The following HMCN2 variants were observed in gnomAD, a reference collection of about 807,000 sequenced individuals.
HMCN2 encodes the protein hemicentin 2.
HMCN2 carries 325 observed loss-of-function variants against 377.5 expected under a neutral mutation model. The observed-to-expected ratio is 0.86, with a 90% CI of 0.79 to 0.94. The LOEUF is 0.94. Among genes scored for constraint, HMCN2 ranks in the 40% least tolerant of loss-of-function variants. The probability of loss-of-function intolerance (pLI) is 0.00; values close to 1 mark genes in which losing one functional copy is unlikely to be tolerated. For synonymous variants in HMCN2, 2,007 were observed against 2,046.8 expected, an observed-to-expected ratio of 0.98 and a Z score of 0.53; for missense variants, 4,543 against 4,725.3, an observed-to-expected ratio of 0.96 and a Z score of 1.13.
At chr9:130,358,544 AC>A in intron 36 of HMCN2, 58 bp downstream of exon 36, 1 of 1,301,024 alleles carries the variant, frequency 7.7e-7, no homozygotes, top group Non-Finnish European at 1.0e-6. Flanking sequence ...TCCCTTGGGG[AC>A]CCTTGGGGCT....
In HMCN2 at chr9:130,296,661, G is replaced by A. The variant is rs1836173059; in HGVS notation, c.892-13G>A. 1.1e-5 allele frequency: 5 copies of A among 470,882 alleles called. No individual in the cohort carries two copies. Among genetic ancestry groups the A allele is most frequent in the South Asian group, 7.7e-5 (5 of 64,560 alleles). The allele number at this position is 470,882 out of a possible 1,614,324, so 29.2% of individuals were successfully genotyped here. On this transcript the variant is annotated splice_polypyrimidine_tract_variant and intron_variant, in intron 6 of 97. Coordinates refer to ENST00000683500, the MANE Select transcript of HMCN2 (RefSeq NM_001291815.2). ...CCCATCCTCTGGTGATGTGAGACCTGGGCCTGCGCTAGGTCTATAGCAGTG... is the reference window on the plus strand; with the variant it reads ...CCCATCCTCTGGTGATGTGAGACCTAGGCCTGCGCTAGGTCTATAGCAGTG...
intron 75 of HMCN2, among the ~76,000 whole-genome samples, chr9:130,399,279 A>G (rs1490000271): frequency 6.6e-6 from 1 of 151,498 alleles, no homozygotes; most frequent in Non-Finnish European, 1.5e-5. Flanking sequence ...AAGAATGTCC[A>G]TTTTTAAAAA....
chr9:130,267,715 G>A (rs1047092052), intron 1 of HMCN2, among the ~76,000 whole-genome samples: 3 of 152,220 alleles, frequency 2.0e-5, no homozygotes, highest in Non-Finnish European at 4.4e-5. Flanking sequence ...GGAGTTCTGG[G>A]CACCACAGGG....
intron 15 of HMCN2, among the ~76,000 whole-genome samples, chr9:130,312,483 T>C (rs1242473549): frequency 1.7e-5 from 2 of 116,780 alleles, no homozygotes; most frequent in South Asian, 3.3e-4. Flanking sequence ...TTTCCTTTCT[T>C]TCTCTCTCTC....
chr9:130,418,076 A>T (rs10901332), intron 85 of HMCN2, among the ~76,000 whole-genome samples: 17,209 of 152,124 alleles, frequency 0.11, 1,249 homozygotes, highest in Non-Finnish European at 0.17. Flanking sequence ...GAGTTTGCCC[A>T]TTTCATTGGC....
intron 77 of HMCN2, 144 bp downstream of exon 77, chr9:130,401,091 T>A: frequency 1.6e-6 from 1 of 637,082 alleles, no homozygotes; most frequent in South Asian, 1.9e-5. Flanking sequence ...GGGAGGACCC[T>A]CTCGCCCTCT....
At chr9:130,314,141 T>G (rs1288396592) in intron 15 of HMCN2, among the ~76,000 whole-genome samples, 1 of 152,176 alleles carries the variant, frequency 6.6e-6, no homozygotes, top group Admixed American at 6.5e-5. Flanking sequence ...AGTCCCATCC[T>G]GGAAGCTCCT....
Position 130,344,276 on chromosome 9 carries a change from G to C in HMCN2, c.3829+1840G>C, listed in dbSNP as rs1003637268. On this transcript the variant is annotated intron_variant, in intron 25 of 97. Coordinates refer to ENST00000683500, the MANE Select transcript of HMCN2 (RefSeq NM_001291815.2). ...ATGTGTGTGAGTGTGCGAATGTGTA[G>C]TGTGTGTATGTGGTGTATGTGTCAT... is the stretch of plus-strand genomic sequence containing the variant. Among the ~76,000 whole-genome samples, 16 of 152,148 alleles carry C rather than the reference G, an allele frequency of 1.1e-4. 1 individual carries two copies. In the South Asian group the frequency reaches 3.1e-3, roughly 30 times the overall value.
chr9:130,403,719 G>C lies in HMCN2; in HGVS notation c.12014-22G>C, dbSNP rs771325772. ...CCCCAGTCCCAGTTCCCAGGCCCCC[G>C]ATTTTCTTCTTCCTCGTTCAGGAGT... On this transcript the variant is annotated intron_variant, in intron 79 of 97. Coordinates refer to ENST00000683500, the MANE Select transcript of HMCN2 (RefSeq NM_001291815.2). The C allele has an allele frequency of 1.2e-5, 15 of 1,287,064 alleles. No individual in the cohort carries two copies. The South Asian group carries it at 1.9e-4, about 16-fold the overall frequency. The allele number at this position is 1,287,064 out of a possible 1,614,324, so 79.7% of individuals were successfully genotyped here.
intron 82 of HMCN2, 112 bp from the exon 83 acceptor site, chr9:130,407,459 C>A: frequency 1.0e-6 from 1 of 953,032 alleles, no homozygotes; most frequent in Non-Finnish European, 1.4e-6. Flanking sequence ...AACCTTCACC[C>A]GGGACTCCCA....
Position 130,351,659 on chromosome 9 carries a change from A to G in HMCN2, c.4585+82A>G. On this transcript the variant is annotated intron_variant, in intron 30 of 97. Transcript: ENST00000683500. The surrounding 1 kb of genome is among the most constrained non-coding windows in gnomAD (Gnocchi z 5.4). ...CAGCTGCCCGCTGCCTTAGAGGGAG[A>G]GTGAGGGCTGAAATGGGGGACCTGG... 8.6e-7 allele frequency: 1 copy of G among 1,166,664 alleles called. No individual in the cohort carries two copies. 72.3% of individuals were successfully genotyped at this position (1,166,664 alleles called of 1,614,324 possible).
intron 95 of HMCN2, 45 bp from the exon 96 acceptor site, chr9:130,431,322 C>T (rs1844738921): frequency 1.3e-6 from 2 of 1,534,204 alleles, no homozygotes; most frequent in African/African-American, 1.4e-5. Flanking sequence ...CAGTGCGTCT[C>T]TCTGCCCCCA....
rs1837370319 is a variant in HMCN2 at position 130,313,413 on chromosome 9, C to A, written c.2350+3352C>A. 5.1e-3 allele frequency among the ~76,000 whole-genome samples: 746 copies of A among 147,500 alleles called. 2 individuals carry two copies. The highest frequency in any genetic ancestry group is 7.3e-3 in the Non-Finnish European group (479 of 65,244). On this transcript the variant is annotated intron_variant, in intron 15 of 97. Coordinates refer to ENST00000683500, the MANE Select transcript of HMCN2 (RefSeq NM_001291815.2). ...CCTTCCGAGCCTGGCATCTGCCAGT[C>A]AGGAGTCCTAGGCTCCATGCCCAGG...
In HMCN2 at chr9:130,299,086, G is replaced by C. The variant is rs552336104; in HGVS notation, c.1074G>C (p.Ser358=). The change falls in exon 8 of 98, where the codon TCG becomes TCC. Residue 358 remains serine (S), a synonymous_variant. Transcript: ENST00000683500. ...TGAAGGCACCCGGCCGCCTAGACTCGGTGGAGCTGGCACAAAGCTCAGGGA... is the reference window on the plus strand; with the variant it reads ...TGAAGGCACCCGGCCGCCTAGACTCCGTGGAGCTGGCACAAAGCTCAGGGA... ...TGLKAPGRLD[S]VELAQSSGKP... is the part of the protein sequence containing the mutation. 6 of 471,078 alleles carry C rather than the reference G, an allele frequency of 1.3e-5. No homozygotes were observed. The highest frequency in any genetic ancestry group is 7.7e-5 in the South Asian group (5 of 64,562). 29.2% of individuals were successfully genotyped at this position (471,078 alleles called of 1,614,324 possible). A position where few individuals can be genotyped will look rare whatever the true frequency, so the allele number is the denominator to read the frequency against.
rs1411566256 is a variant in HMCN2 at position 130,278,027 on chromosome 9, CGATCAT to C, written c.260-6575_260-6570del. Reference sequence around the variant, plus strand: ...ACCACCATCATCATCACCACCACCACGATCATCACCACCACCATCATCATTACCACC... The same window carrying C: ...ACCACCATCATCATCACCACCACCACCACCACCACCATCATCATTACCACC... On this transcript the variant is annotated intron_variant, in intron 1 of 97. Coordinates refer to ENST00000683500, the MANE Select transcript of HMCN2 (RefSeq NM_001291815.2). Among the ~76,000 whole-genome samples, 11 of 6,714 alleles carry C rather than the reference CGATCAT, an allele frequency of 1.6e-3. 2 individuals carry two copies. The highest frequency in any genetic ancestry group is 4.5e-3 in the African/African-American group (3 of 668). 4.4% of individuals were successfully genotyped at this position (6,714 alleles called of 152,430 possible). A position where few individuals can be genotyped will look rare whatever the true frequency, so the allele number is the denominator to read the frequency against.
chr9:130,371,805 G>A (rs866672482), intron 46 of HMCN2, among the ~76,000 whole-genome samples: 2 of 152,208 alleles, frequency 1.3e-5, no homozygotes, highest in East Asian at 1.9e-4. Flanking sequence ...TAGTAATGTC[G>A]GCTCTGGGTG....
At position 130,398,624 on chromosome 9, in the gene HMCN2, G is replaced by A. The variant is rs1842722503; in HGVS notation, c.11400G>A (p.Glu3800=). 1.6e-6 allele frequency: 2 copies of A among 1,288,606 alleles called. No homozygotes were observed. Among genetic ancestry groups the A allele is most frequent in the Non-Finnish European group, 2.0e-6 (2 of 988,054 alleles). The allele number at this position is 1,288,606 out of a possible 1,614,324, so 79.8% of individuals were successfully genotyped here. The change falls in exon 75 of 98, where the codon GAG becomes GAA. Residue 3800 remains glutamate (E), a synonymous_variant. Coordinates refer to ENST00000683500, the MANE Select transcript of HMCN2 (RefSeq NM_001291815.2). ...TAHTPALLPC[E]ASGSPKPLVV... ...ACACCCCAGCCTTGCTGCCCTGCGAGGCCAGCGGCTCCCCTAAGCCCCTGG... is the reference window on the plus strand; with the variant it reads ...ACACCCCAGCCTTGCTGCCCTGCGAAGCCAGCGGCTCCCCTAAGCCCCTGG...
rs769344867 is a variant in HMCN2 at position 130,391,303 on chromosome 9, C to G, written c.9767C>G (p.Pro3256Arg). ...LDCEADGQPP[P>R]DVAWLKDGSP... is the part of the protein sequence containing the mutation. ...TGTGAGGCCGATGGGCAGCCGCCGC[C>G]GGACGTGGCCTGGCTGAAGGACGGC... is the stretch of plus-strand genomic sequence containing the variant. The change falls in exon 64 of 98, where the codon CCG (proline) becomes CGG (arginine). Residue 3256 changes from proline to arginine, a missense_variant. Physicochemically the swap from Pro to Arg is moderately radical, Grantham distance 103. Coordinates refer to ENST00000683500, the MANE Select transcript of HMCN2 (RefSeq NM_001291815.2). 1.0e-6 allele frequency: 1 copy of G among 987,548 alleles called. No individual in the cohort carries two copies. Among genetic ancestry groups the G allele is most frequent in the African/African-American group, 1.7e-5 (1 of 57,320 alleles). 61.2% of individuals were successfully genotyped at this position (987,548 alleles called of 1,614,324 possible).
intron 86 of HMCN2, among the ~76,000 whole-genome samples, chr9:130,420,531 T>C (rs1412914048): frequency 6.6e-6 from 1 of 152,120 alleles, no homozygotes; most frequent in Non-Finnish European, 1.5e-5. Context: ...GCCACACTGA[T>C]TGTCTCATAG....
Sources: allele counts gnomAD v4.1 joint callset (sites outside exome capture counted in the v4.1 genomes callset), GRCh38; gene constraint gnomAD v4.1.1; non-coding constraint Gnocchi (gnomAD v3.1); transcripts MANE v1.5; gene names NCBI Gene and HGNC (gene_info 2026-07-23, HGNC 2026-07-21).